Variants in ROBO2 observed in about 807,000 individuals in gnomAD.
The protein encoded by ROBO2 is roundabout guidance receptor 2, also known as roundabout homolog 2.
Under a neutral mutation model 160.8 loss-of-function variants are expected in ROBO2, and 53 were observed. The observed-to-expected ratio is 0.33, with a 90% CI of 0.26 to 0.41. ROBO2 has a LOEUF of 0.41. Ranked by LOEUF, ROBO2 falls within the 10% of genes least tolerant of loss-of-function variation. The pLI is 1.00. For synonymous variants in ROBO2, 664 were observed against 611.7 expected, an observed-to-expected ratio of 1.09 and a Z score of -1.26; for missense variants, 1,577 against 1,722.4, an observed-to-expected ratio of 0.92 and a Z score of 1.49.
chr3:76,380,284 A>G (rs2076552608), intron 2 of ROBO2, among the ~76,000 whole-genome samples: 1 of 152,174 alleles, frequency 6.6e-6, no homozygotes, highest in African/African-American at 2.4e-5. Context: ...TAATTCATCT[A>G]GTCTACAAAT....
rs182475988 is a variant in ROBO2, at chr3:76,208,961, C to G, written c.109+271359C>G. Among the ~76,000 whole-genome samples the G allele has an allele frequency of 1.7e-4, 26 of 152,234 alleles. No homozygotes were observed. The East Asian group carries it at 3.3e-3, about 19-fold the overall frequency. ...AGGTCGTTTTGCATGTACCTGCTTT[C>G]ATGAAACAAATGTGAATTTTGTTCA... On this transcript the variant is annotated intron_variant, in intron 2 of 26. Coordinates refer to the ROBO2 transcript ENST00000487694.
intron 2 of ROBO2, among the ~76,000 whole-genome samples, chr3:75,989,168 G>C (rs142472021): frequency 1.1e-4 from 16 of 152,154 alleles, no homozygotes; most frequent in South Asian, 4.1e-4. Context: ...GACCAGGCTG[G>C]AGTGCAATGG....
intron 2 of ROBO2, among the ~76,000 whole-genome samples, chr3:76,498,683 C>CTTTTTTTTT (rs71101892): frequency 7.6e-6 from 1 of 130,842 alleles, no homozygotes; most frequent in Non-Finnish European, 1.6e-5. Context: ...AGTTTGTCTG[C>CTTTTTTTTT]TTTTTTTTTT....
intron 2 of ROBO2, among the ~76,000 whole-genome samples, chr3:76,494,101 G>A (rs1201770618): frequency 1.3e-5 from 2 of 152,200 alleles, no homozygotes; most frequent in Admixed American, 6.5e-5. Flanking sequence ...TCACAGTAGC[G>A]CCAACCACAT....
intron 2 of ROBO2, among the ~76,000 whole-genome samples, chr3:76,005,120 C>A (rs1474689031): frequency 6.6e-6 from 1 of 152,186 alleles, no homozygotes; most frequent in Non-Finnish European, 1.5e-5. Context: ...CTTGGATTTT[C>A]TGGTTTCCAG....
At chr3:76,361,717 C>T (rs2075533444) in intron 2 of ROBO2, among the ~76,000 whole-genome samples, 1 of 152,006 alleles carries the variant, frequency 6.6e-6, no homozygotes, top group African/African-American at 2.4e-5. Flanking sequence ...AACTCCTAAA[C>T]TAGTATCTTC....
At chr3:76,720,874 C>T (rs1055449030) in intron 2 of ROBO2, among the ~76,000 whole-genome samples, 2 of 152,122 alleles carry the variant, frequency 1.3e-5, no homozygotes, top group African/African-American at 2.4e-5. Flanking sequence ...GATTTCTTGG[C>T]ACAACAATCA....
intron 2 of ROBO2, among the ~76,000 whole-genome samples, chr3:77,214,817 T>C (rs1316015999): frequency 6.6e-6 from 1 of 152,176 alleles, no homozygotes; most frequent in Non-Finnish European, 1.5e-5. Flanking sequence ...TGTAAAGTAT[T>C]TTATTCCTCC....
intron 2 of ROBO2, among the ~76,000 whole-genome samples, chr3:76,528,427 A>G (rs143701043): frequency 2.6e-5 from 4 of 152,210 alleles, no homozygotes; most frequent in Admixed American, 1.3e-4. Flanking sequence ...TTGAATATAT[A>G]TAATAGACCC....
chr3:76,713,072 G>A (rs1017486333), intron 2 of ROBO2, among the ~76,000 whole-genome samples: 8 of 152,068 alleles, frequency 5.3e-5, no homozygotes, highest in East Asian at 1.9e-4. Flanking sequence ...AAAAACTGAC[G>A]TTTTTCCAAA....
intron 2 of ROBO2, among the ~76,000 whole-genome samples, chr3:77,402,145 T>A (rs1179941792): frequency 6.6e-6 from 1 of 150,626 alleles, no homozygotes; most frequent in Non-Finnish European, 1.5e-5. Context: ...TGGATGAACC[T>A]GGAAACCATT....
intron 2 of ROBO2, among the ~76,000 whole-genome samples, chr3:76,802,634 A>G (rs368637604): frequency 2.0e-5 from 3 of 151,606 alleles, no homozygotes; most frequent in South Asian, 4.2e-4. Flanking sequence ...AGGCTGAGGC[A>G]GGAGAATGGC....
chr3:77,096,644 T>G (rs2071106520), intron 1 of ROBO2, among the ~76,000 whole-genome samples: 1 of 152,008 alleles, frequency 6.6e-6, no homozygotes, highest in African/African-American at 2.4e-5. Flanking sequence ...GATATGAGGT[T>G]TCACCATGTT....
intron 2 of ROBO2, among the ~76,000 whole-genome samples, chr3:76,220,439 G>A (rs1703890283): frequency 6.6e-6 from 1 of 152,060 alleles, no homozygotes. Context: ...CCTCACACAG[G>A]GATTAGTGCC....
At chr3:76,305,493 A>G (rs2071300087) in intron 2 of ROBO2, among the ~76,000 whole-genome samples, 1 of 144,096 alleles carries the variant, frequency 6.9e-6, no homozygotes, top group Non-Finnish European at 1.5e-5. Flanking sequence ...GGGTGTGGTG[A>G]TTTATGCCTG....
chr3:75,970,184 C>G lies in ROBO2; in HGVS notation c.109+32582C>G, dbSNP rs140017064. On this transcript the variant is annotated intron_variant, in intron 2 of 26. Transcript: ENST00000487694. ...GGCCAAGTATCTTCTACACCTCCTTCAAGTCTAAGTGCAACAGAAAATGCA... is the reference window on the plus strand; with the variant it reads ...GGCCAAGTATCTTCTACACCTCCTTGAAGTCTAAGTGCAACAGAAAATGCA... Among the ~76,000 whole-genome samples the G allele has an allele frequency of 1.6e-3, 240 of 151,566 alleles. 3 individuals carry two copies. Among genetic ancestry groups the G allele is most frequent in the African/African-American group, 5.4e-3 (224 of 41,452 alleles).
intron 2 of ROBO2, among the ~76,000 whole-genome samples, chr3:77,212,780 A>T (rs1457129245): frequency 6.6e-6 from 1 of 152,176 alleles, no homozygotes; most frequent in African/African-American, 2.4e-5. Context: ...AGTTTTTAGC[A>T]TGAAGTGTTG....
chr3:77,456,891 G>A (rs899308253), intron 2 of ROBO2, among the ~76,000 whole-genome samples: 1 of 152,044 alleles, frequency 6.6e-6, no homozygotes, highest in Non-Finnish European at 1.5e-5. Flanking sequence ...ATGGCAATGT[G>A]AGGCATATTT....
chr3:77,050,136 G>A (rs1188826305), intron 1 of ROBO2, among the ~76,000 whole-genome samples: 1 of 152,088 alleles, frequency 6.6e-6, no homozygotes, highest in Non-Finnish European at 1.5e-5. Flanking sequence ...TAAATTAGGG[G>A]AAATTTAGAA....
Sources: gnomAD v4.1 joint callset for allele counts (sites outside exome capture counted in the v4.1 genomes callset) on GRCh38, gnomAD v4.1.1 for gene constraint, MANE v1.5 for transcripts, NCBI Gene and HGNC (gene_info 2026-07-23, HGNC 2026-07-21) for gene names.